NGEF: variants seen among roughly 807,000 people sequenced by gnomAD.
NGEF encodes the protein ephexin-1.
Under a neutral mutation model 80.9 loss-of-function variants are expected in NGEF, and 31 were observed. The observed-to-expected ratio is 0.38, with a 90% confidence interval of 0.29 to 0.52. The LOEUF (loss-of-function observed/expected upper bound fraction) is 0.52. Ranked by LOEUF, NGEF falls within the 20% of genes least tolerant of loss-of-function variation. NGEF has a pLI of 0.84. For missense variants in NGEF, 709 were observed against 926.2 expected, an observed-to-expected ratio of 0.77 and a Z score of 3.04; for synonymous variants, 371 against 370.2, an observed-to-expected ratio of 1.00 and a Z score of -0.03.
chr2:233,009,936 C>T lies in NGEF; in HGVS notation c.-75+3132G>A, dbSNP rs542213704. The stretch of plus-strand genomic sequence containing the variant: ...TTTTGAATTGGAGTCTTCCTCTTGT[C>T]ACCTTGCCTGTAGTGCAATGGCGTG... On this transcript the variant is annotated intron_variant, in intron 1 of 14. Transcript: ENST00000264051. Among the ~76,000 whole-genome samples the T allele has an allele frequency of 2.4e-4, 37 of 152,298 alleles. No individual in the cohort carries two copies. In the South Asian group the frequency reaches 7.5e-3, roughly 31 times the overall value.
At chr2:232,934,402 T>C (rs1693285727) in intron 3 of NGEF, among the ~76,000 whole-genome samples, 1 of 152,116 alleles carries the variant, frequency 6.6e-6, no homozygotes, top group East Asian at 1.9e-4. Context: ...ATTCTTTTTT[T>C]TTTTAAAGAA....
At chr2:233,010,931 A>G (rs1695189766) in intron 1 of NGEF, among the ~76,000 whole-genome samples, 1 of 152,282 alleles carries the variant, frequency 6.6e-6, no homozygotes, top group South Asian at 2.1e-4. Flanking sequence ...GAGGCCCAGC[A>G]GCCTCCTGAA....
At chr2:232,888,222 G>A (rs1213637137) in intron 8 of NGEF, 115 bp from the exon 9 acceptor site, 11 of 643,608 alleles carry the variant, frequency 1.7e-5, no homozygotes, top group Admixed American at 3.0e-5. Flanking sequence ...GCTGCAGCAT[G>A]CACACACACA....
chr2:232,950,928 G>A (rs367851524), intron 3 of NGEF, among the ~76,000 whole-genome samples: 11 of 152,270 alleles, frequency 7.2e-5, no homozygotes, highest in African/African-American at 2.2e-4. Context: ...ACTGCCAACC[G>A]CTCAGTAATT....
chr2:232,881,567 G>C (rs1691505770), intron 13 of NGEF, among the ~76,000 whole-genome samples: 1 of 152,078 alleles, frequency 6.6e-6, no homozygotes, highest in Non-Finnish European at 1.5e-5. Flanking sequence ...AGGGTTAGCA[G>C]CTTCTCCATA....
intron 3 of NGEF, among the ~76,000 whole-genome samples, chr2:232,932,608 T>A (rs971553275): frequency 1.3e-5 from 2 of 152,166 alleles, no homozygotes; most frequent in African/African-American, 4.8e-5. Flanking sequence ...AATTTCTGTC[T>A]TAGTTCAGGC....
In NGEF at chr2:232,881,325, G is replaced by C. The variant is rs1691499229; in HGVS notation, c.1838-75C>G. On this transcript the variant is annotated intron_variant, in intron 13 of 14. Coordinates refer to ENST00000264051, the MANE Select transcript of NGEF (RefSeq NM_019850.3). ...GCACACTCCCACCAAGCCCGCAGCT[G>C]AGCCCTGCCTAGAATAGGAAAACTC... 2.6e-6 allele frequency: 3 copies of C among 1,158,394 alleles called. No individual in the cohort carries two copies. In the Admixed American group the frequency reaches 5.2e-5, roughly 20 times the overall value. The allele number at this position is 1,158,394 out of a possible 1,614,324, so 71.8% of individuals were successfully genotyped here.
At chr2:232,906,136 G>A (rs1397874098) in intron 5 of NGEF, among the ~76,000 whole-genome samples, 2 of 80,444 alleles carry the variant, frequency 2.5e-5, no homozygotes, top group Non-Finnish European at 5.5e-5. Flanking sequence ...TCAGCCCCCC[G>A]CCCGGCCACC....
At chr2:232,992,909 C>T (rs1351534525) in intron 1 of NGEF, among the ~76,000 whole-genome samples, 1 of 150,232 alleles carries the variant, frequency 6.7e-6, no homozygotes, top group Non-Finnish European at 1.5e-5. Context: ...ATGGCTTCAA[C>T]CCAGGAGGCA....
chr2:232,905,181 C>T lies in NGEF; in HGVS notation c.829-10265G>A, dbSNP rs545971324. On this transcript the variant is annotated intron_variant, in intron 5 of 14. Coordinates refer to ENST00000264051, the MANE Select transcript of NGEF (RefSeq NM_019850.3). ...AAGCTGGACTGTCCTGCTGCCATCTCGGCTCACTGCAACCTCCCTGCCTGA... is the reference window on the plus strand; with the variant it reads ...AAGCTGGACTGTCCTGCTGCCATCTTGGCTCACTGCAACCTCCCTGCCTGA... 4.6e-4 allele frequency among the ~76,000 whole-genome samples: 70 copies of T among 152,302 alleles called. No homozygotes were observed. The East Asian group carries it at 0.011, about 25-fold the overall frequency.
chr2:232,890,720 C>T (rs1233030811), intron 8 of NGEF, among the ~76,000 whole-genome samples: 1 of 152,172 alleles, frequency 6.6e-6, no homozygotes, highest in Non-Finnish European at 1.5e-5. Flanking sequence ...ACTCCCCGAC[C>T]CAGCCCCACA....
intron 9 of NGEF, among the ~76,000 whole-genome samples, chr2:232,885,729 A>G (rs536454290): frequency 6.6e-6 from 1 of 152,224 alleles, no homozygotes; most frequent in East Asian, 1.9e-4. Context: ...CCAGGCACCA[A>G]GGGACCTAAA....
chr2:232,967,093 G>T (rs1181914928), intron 3 of NGEF, among the ~76,000 whole-genome samples: 2 of 152,098 alleles, frequency 1.3e-5, no homozygotes, highest in African/African-American at 4.8e-5. Flanking sequence ...GATCATAGGG[G>T]CGGATCCCTC....
intron 3 of NGEF, 133 bp downstream of exon 3, chr2:232,970,081 T>G: frequency 2.2e-6 from 1 of 449,892 alleles, no homozygotes; most frequent in African/African-American, 2.1e-5. Context: ...ATTTATTTTT[T>G]TAGCACGGGC....
chr2:232,902,345 C>T (rs114571108), intron 5 of NGEF, among the ~76,000 whole-genome samples: 1,730 of 152,326 alleles, frequency 0.011, 36 homozygotes, highest in African/African-American at 0.039. Context: ...AGCCCGAGCC[C>T]AGCCCGCTGC....
intron 3 of NGEF, among the ~76,000 whole-genome samples, chr2:232,953,394 T>C: frequency 6.6e-6 from 1 of 150,672 alleles, no homozygotes; most frequent in Non-Finnish European, 1.5e-5. Flanking sequence ...CCAGTGTGTC[T>C]GCCTGTTGAT....
chr2:232,989,826 A>G (rs1694617568), intron 1 of NGEF, among the ~76,000 whole-genome samples: 1 of 152,246 alleles, frequency 6.6e-6, no homozygotes, highest in Non-Finnish European at 1.5e-5. Context: ...AAAAAAATTG[A>G]GGCAATTTCA....
intron 13 of NGEF, 140 bp downstream of exon 13, chr2:232,882,046 G>A (rs1278560508): frequency 1.4e-6 from 1 of 692,610 alleles, no homozygotes; most frequent in Non-Finnish European, 2.5e-6. Flanking sequence ...GTAGGAAGCA[G>A]CCCCTGGAGG....
chr2:232,954,900 T>C (rs950903233), intron 3 of NGEF, among the ~76,000 whole-genome samples: 7 of 152,050 alleles, frequency 4.6e-5, no homozygotes, highest in Non-Finnish European at 8.8e-5. Flanking sequence ...AAAGGGCCTG[T>C]GGTGAGGACA....
Sources: allele counts gnomAD v4.1 joint callset (sites outside exome capture counted in the v4.1 genomes callset), GRCh38; gene constraint gnomAD v4.1.1; transcripts MANE v1.5; gene names NCBI Gene and HGNC (gene_info 2026-07-23, HGNC 2026-07-21).